The following PDE8B variants were observed in gnomAD, a reference collection of about 807,000 sequenced individuals.
PDE8B encodes high affinity cAMP-specific and IBMX-insensitive 3',5'-cyclic phosphodiesterase 8B.
Under a neutral mutation model 101.3 loss-of-function variants are expected in PDE8B, and 26 were observed. That is an observed-to-expected ratio of 0.26 (90% CI 0.19 to 0.36). PDE8B has a LOEUF of 0.36. PDE8B is among the 10% of genes least tolerant of loss of function. The pLI, the probability that PDE8B is intolerant of heterozygous loss-of-function variation, is 1.00. For synonymous variants in PDE8B, 424 were observed against 429.3 expected (o/e 0.99, Z 0.15); for missense variants, 810 against 1,163.1 (o/e 0.70, Z 4.42).
chr5:77,337,482 C>A (rs1778413834), intron 6 of PDE8B, among the ~76,000 whole-genome samples, 167 bp downstream of exon 6: 1 of 152,032 alleles, frequency 6.6e-6, no homozygotes, highest in Non-Finnish European at 1.5e-5. Context: ...GCCAGAAGGC[C>A]CATTATATAA....
At chr5:77,311,657 TATTGA>T (rs1264443843) in intron 1 of PDE8B, among the ~76,000 whole-genome samples, 4 of 152,224 alleles carry the variant, frequency 2.6e-5, no homozygotes, top group African/African-American at 7.2e-5. Flanking sequence ...AATAAATAAT[TATTGA>T]ATTGAATTCT....
At chr5:77,140,269 C>G in the PDE8B span, 4 of 152,056 alleles carry the variant, frequency 2.6e-5, no homozygotes, top group African/African-American at 4.8e-5. Context: ...CCCAAGGACA[C>G]GGGAGCTTTT....
intron 20 of PDE8B, among the ~76,000 whole-genome samples, chr5:77,423,666 G>A (rs1797248943): frequency 1.7e-5 from 1 of 60,458 alleles, no homozygotes; most frequent in South Asian, 5.6e-4. Flanking sequence ...TTTTGAGACA[G>A]TCTTGCTCTG....
chr5:77,268,818 CAACAGATGATTGGATAAAG>C (rs1456185750), intron 1 of PDE8B, among the ~76,000 whole-genome samples: 1 of 150,582 alleles, frequency 6.6e-6, no homozygotes, highest in African/African-American at 2.4e-5. Flanking sequence ...AACTATCCAT[CAACAGATGATTGGATAAAG>C]AAATGTGGTA....
the PDE8B span, among the ~76,000 whole-genome samples, chr5:77,103,685 A>T: frequency 2.0e-5 from 3 of 152,244 alleles, no homozygotes; most frequent in Non-Finnish European, 4.4e-5. Context: ...GGGAAGGGTG[A>T]TGAGGGAAGG....
intron 10 of PDE8B, among the ~76,000 whole-genome samples, chr5:77,395,081 A>G (rs1790710600): frequency 6.6e-6 from 1 of 152,148 alleles, no homozygotes; most frequent in Non-Finnish European, 1.5e-5. Context: ...GTAGTGTTGT[A>G]TTAAGAACTT....
At chr5:77,345,606 T>A (rs906925766) in intron 7 of PDE8B, among the ~76,000 whole-genome samples, 5 of 152,250 alleles carry the variant, frequency 3.3e-5, no homozygotes, top group African/African-American at 9.6e-5. Context: ...GGTATCCTAA[T>A]TACAAAGCAT....
At chr5:77,110,370 T>C in the PDE8B span, among the ~76,000 whole-genome samples, 1 of 152,134 alleles carries the variant, frequency 6.6e-6, no homozygotes, top group African/African-American at 2.4e-5. Context: ...TGACAAATTA[T>C]AAGGTGACAT....
intron 19 of PDE8B, among the ~76,000 whole-genome samples, chr5:77,421,442 T>C (rs75796497): frequency 6.6e-6 from 1 of 152,118 alleles, no homozygotes; most frequent in African/African-American, 2.4e-5. Flanking sequence ...CTTTTACACA[T>C]TTTTTTAAAA....
intron 1 of PDE8B, among the ~76,000 whole-genome samples, chr5:77,297,602 A>G (rs187341188): frequency 2.6e-5 from 4 of 152,200 alleles, no homozygotes; most frequent in Non-Finnish European, 5.9e-5. Flanking sequence ...CCCTTAGTCT[A>G]TGCACATTTC....
chr5:77,209,909 G>C (rs1487486211), upstream of PDE8B, among the ~76,000 whole-genome samples: 4 of 152,298 alleles, frequency 2.6e-5, no homozygotes, highest in East Asian at 7.7e-4. Flanking sequence ...CCATCCCTTG[G>C]CACAAACTTC....
chr5:77,131,645 C>G, the PDE8B span, among the ~76,000 whole-genome samples: 6 of 152,136 alleles, frequency 3.9e-5, no homozygotes, highest in Admixed American at 3.3e-4. Context: ...TTTGCTGGAG[C>G]CTTCTTTAAG....
At chr5:77,385,795 G>GTTTTTTT (rs35717428) in intron 10 of PDE8B, among the ~76,000 whole-genome samples, 13 of 107,988 alleles carry the variant, frequency 1.2e-4, no homozygotes, top group African/African-American at 3.0e-4. Context: ...AGTGAGTGAG[G>GTTTTTTT]TTTTTTTTTT....
chr5:77,290,056 G>T (rs192112580), intron 1 of PDE8B, among the ~76,000 whole-genome samples: 6 of 152,350 alleles, frequency 3.9e-5, no homozygotes, highest in African/African-American at 1.2e-4. Flanking sequence ...TCAACTGCCT[G>T]CTGTGCCAAG....
At chr5:77,297,640 C>A (rs1432984829) in intron 1 of PDE8B, among the ~76,000 whole-genome samples, 1 of 152,182 alleles carries the variant, frequency 6.6e-6, no homozygotes, top group African/African-American at 2.4e-5. Context: ...CAACTACAAT[C>A]CAGCTATGCT....
chr5:77,167,943 A>G, the PDE8B span, among the ~76,000 whole-genome samples: 47 of 152,196 alleles, frequency 3.1e-4, no homozygotes, highest in African/African-American at 1.1e-3. Flanking sequence ...AGGGGGTAAC[A>G]TGAGCCAAAT....
rs1380517748 is a variant in PDE8B, at chr5:77,288,635, C to T, written c.340-23359C>T. Among the ~76,000 whole-genome samples the T allele has an allele frequency of 2.6e-5, 4 of 152,124 alleles. No individual in the cohort carries two copies. The South Asian group carries it at 8.3e-4, about 32-fold the overall frequency. ...CAGAGAAATCTGAGACTTACAGCAG[C>T]CTGCATGCCCAGCCTTCACCATCCT... On this transcript the variant is annotated intron_variant, in intron 1 of 21. Coordinates refer to ENST00000264917, the MANE Select transcript of PDE8B (RefSeq NM_003719.5).
chr5:77,097,728 T>TAC, the PDE8B span, among the ~76,000 whole-genome samples: 1 of 63,200 alleles, frequency 1.6e-5, no homozygotes, highest in African/African-American at 3.8e-5. Context: ...TATATATATA[T>TAC]ATATACATAC....
chr5:77,329,221 A>G (rs1252857560), intron 4 of PDE8B, among the ~76,000 whole-genome samples, 164 bp downstream of exon 4: 1 of 152,322 alleles, frequency 6.6e-6, no homozygotes, highest in Middle Eastern at 3.4e-3. Context: ...TTGTTTCACA[A>G]GTTCCTGGAA....
Sources: allele counts gnomAD v4.1 joint callset (sites outside exome capture counted in the v4.1 genomes callset), GRCh38; gene constraint gnomAD v4.1.1; transcripts MANE v1.5; gene names NCBI Gene and HGNC (gene_info 2026-07-23, HGNC 2026-07-21).